Variants in PRLR observed in about 807,000 individuals in gnomAD.
PRLR encodes the protein prolactin receptor, also known as hPRL receptor.
Under a neutral mutation model 40.2 loss-of-function variants are expected in PRLR, and 13 were observed. The observed-to-expected ratio is 0.32, with a 90% CI of 0.21 to 0.51. The LOEUF is 0.51. Ranked by LOEUF, PRLR falls within the 20% of genes least tolerant of loss-of-function variation. PRLR has a pLI of 0.97. For synonymous variants in PRLR, 269 were observed against 278.7 expected, an observed-to-expected ratio of 0.97 and a Z score of 0.35; for missense variants, 656 against 747.3, an observed-to-expected ratio of 0.88 and a Z score of 1.42.
intron 1 of PRLR, among the ~76,000 whole-genome samples, chr5:35,162,429 C>T (rs1411162727): frequency 6.6e-6 from 1 of 152,042 alleles, no homozygotes; most frequent in Non-Finnish European, 1.5e-5. Context: ...TACTTTTTAT[C>T]CATAATTTGA....
rs72734529 is a variant in PRLR, at chr5:35,069,940, G to C, written c.685+184C>G. On this transcript the variant is annotated intron_variant, in intron 7 of 9. Transcript: ENST00000618457. ...CCTTATCCTAAAATTGTTCTCCATT[G>C]ACAGTAATCCAGGGTGCAATGCTGC... Among the ~76,000 whole-genome samples, 817 of 152,346 alleles carry C rather than the reference G, an allele frequency of 5.4e-3. 23 individuals carry two copies. The East Asian group carries it at 0.078, about 14-fold the overall frequency.
chr5:35,084,983 G>T (rs1770754633), intron 4 of PRLR, among the ~76,000 whole-genome samples: 1 of 152,154 alleles, frequency 6.6e-6, no homozygotes, highest in East Asian at 1.9e-4. Context: ...ATGCCCATTG[G>T]GTTGCCTCAG....
At chr5:35,223,706 A>G (rs1776477799) in intron 1 of PRLR, among the ~76,000 whole-genome samples, 1 of 152,222 alleles carries the variant, frequency 6.6e-6, no homozygotes, top group South Asian at 2.1e-4. Context: ...TGCATCATTT[A>G]TGTAACACTT....
rs191627457 is a variant in PRLR at position 35,102,938 on chromosome 5, T to A, written c.-43-13275A>T. On this transcript the variant is annotated intron_variant, in intron 2 of 9. Coordinates refer to ENST00000618457, the MANE Select transcript of PRLR (RefSeq NM_000949.7). Reference sequence around the variant, plus strand: ...CTCCCTTCTAGATCACTCAAGATAGTTTCTTCTAGCCCCTTCCACTCTATT... The same window carrying A: ...CTCCCTTCTAGATCACTCAAGATAGATTCTTCTAGCCCCTTCCACTCTATT... Among the ~76,000 whole-genome samples the A allele has an allele frequency of 1.6e-4, 24 of 152,316 alleles. No homozygotes were observed. In the East Asian group the frequency reaches 4.6e-3, roughly 29 times the overall value.
intron 1 of PRLR, among the ~76,000 whole-genome samples, chr5:35,187,812 T>A (rs1775487681): frequency 6.6e-6 from 1 of 152,114 alleles, no homozygotes; most frequent in Admixed American, 6.5e-5. Flanking sequence ...GGAGCCTCCC[T>A]GTTTACCCAG....
intron 1 of PRLR, among the ~76,000 whole-genome samples, chr5:35,142,252 A>G (rs146126583): frequency 1.3e-5 from 2 of 152,308 alleles, no homozygotes; most frequent in East Asian, 3.9e-4. Context: ...TGAACTGAAT[A>G]TCACAGAATT....
intron 2 of PRLR, among the ~76,000 whole-genome samples, chr5:35,099,169 C>T (rs1041340276): frequency 2.6e-5 from 4 of 152,134 alleles, no homozygotes; most frequent in Non-Finnish European, 2.9e-5. Context: ...CTTCCCCTGT[C>T]GTTAGATGAG....
At position 35,061,266 on chromosome 5, in the gene PRLR, G is replaced by A. The variant is rs983754538; in HGVS notation, c.*3823C>T. On this transcript the variant is annotated 3_prime_UTR_variant, in exon 10 of 10. Coordinates refer to ENST00000618457, the MANE Select transcript of PRLR (RefSeq NM_000949.7). ...CTGTTTCTTTCTTGTCTACTCTAAG[G>A]AGATAGGGAAGTTGCTAAAGGCAGG... 6.6e-6 allele frequency: 1 copy of A among 152,144 alleles called. No individual in the cohort carries two copies. Among genetic ancestry groups the A allele is most frequent in the African/African-American group, 2.4e-5 (1 of 41,424 alleles). 9.4% of individuals were successfully genotyped at this position (152,144 alleles called of 1,614,324 possible). A position where few individuals can be genotyped will look rare whatever the true frequency, so the allele number is the denominator to read the frequency against.
At chr5:35,143,811 C>T (rs182760994) in intron 1 of PRLR, among the ~76,000 whole-genome samples, 1 of 152,196 alleles carries the variant, frequency 6.6e-6, no homozygotes. Context: ...GAAAATGGAG[C>T]TATGCATTTG....
chr5:35,224,370 T>G (rs1776500599), intron 1 of PRLR, among the ~76,000 whole-genome samples: 1 of 152,188 alleles, frequency 6.6e-6, no homozygotes, highest in African/African-American at 2.4e-5. Flanking sequence ...AGCTTGTCCT[T>G]TTTCAATTGG....
chr5:35,090,582 TTTGTTG>T (rs146987418), intron 2 of PRLR, among the ~76,000 whole-genome samples: 8 of 151,258 alleles, frequency 5.3e-5, no homozygotes, highest in East Asian at 3.9e-4. Flanking sequence ...ATTGTTTCAT[TTTGTTG>T]TTGTTGTTGT....
chr5:35,141,702 TC>T (rs979694564), intron 1 of PRLR, among the ~76,000 whole-genome samples: 3 of 152,132 alleles, frequency 2.0e-5, no homozygotes, highest in African/African-American at 7.2e-5. Flanking sequence ...CCAGATGTCA[TC>T]CTTGAATCAT....
In PRLR at chr5:35,216,399, G is replaced by T. The variant is rs139063955; in HGVS notation, c.-106+13869C>A. ...AAAATAGACAACAAAGTGGGAGGGGGACAAGAAAAGGAGTTGGGGGCTTAT... is the reference window on the plus strand; with the variant it reads ...AAAATAGACAACAAAGTGGGAGGGGTACAAGAAAAGGAGTTGGGGGCTTAT... On this transcript the variant is annotated intron_variant, in intron 1 of 9. Transcript: ENST00000618457. Among the ~76,000 whole-genome samples, 51 of 152,174 alleles carry T rather than the reference G, an allele frequency of 3.4e-4. No homozygotes were observed. The East Asian group carries it at 9.5e-3, about 28-fold the overall frequency.
intron 1 of PRLR, among the ~76,000 whole-genome samples, chr5:35,213,250 T>G (rs1033298523): frequency 6.6e-6 from 1 of 152,190 alleles, no homozygotes; most frequent in Non-Finnish European, 1.5e-5. Context: ...TGCCAAGTCT[T>G]TATATAATCG....
intron 1 of PRLR, among the ~76,000 whole-genome samples, chr5:35,188,611 C>T (rs1561355630): frequency 6.6e-6 from 1 of 152,168 alleles, no homozygotes; most frequent in Non-Finnish European, 1.5e-5. Context: ...AATCAGAACC[C>T]ACAGTATCTA....
chr5:35,228,237 A>G (rs935192830), intron 1 of PRLR, among the ~76,000 whole-genome samples: 28 of 130,862 alleles, frequency 2.1e-4, no homozygotes, highest in African/African-American at 2.9e-4. Flanking sequence ...CCATGCAAAA[A>G]AAAAAAAAAA....
At chr5:35,202,150 C>A (rs1352438530) in intron 1 of PRLR, among the ~76,000 whole-genome samples, 2 of 152,136 alleles carry the variant, frequency 1.3e-5, no homozygotes, top group Non-Finnish European at 2.9e-5. Flanking sequence ...AATAAGAGAA[C>A]CTACCAATTG....
In PRLR at chr5:35,134,342, C is replaced by T. The variant is rs369531354; in HGVS notation, c.-105-16220G>A. Among the ~76,000 whole-genome samples the T allele has an allele frequency of 5.1e-4, 73 of 142,092 alleles. 1 individual carries two copies. In the Middle Eastern group the frequency reaches 0.018, roughly 34 times the overall value. The allele number at this position is 142,092 out of a possible 152,430, so 93.2% of individuals were successfully genotyped here. On this transcript the variant is annotated intron_variant, in intron 1 of 9. Coordinates refer to ENST00000618457, the MANE Select transcript of PRLR (RefSeq NM_000949.7). ...CTCCTCTTTCCTTGGATTATCACAG[C>T]AAGATCTGGCGCTGTGAAGATCATA...
intron 2 of PRLR, among the ~76,000 whole-genome samples, chr5:35,091,964 C>T (rs1490432196): frequency 2.0e-5 from 3 of 152,140 alleles, no homozygotes; most frequent in Non-Finnish European, 2.9e-5. Flanking sequence ...TAAATCAGAC[C>T]TTCCTGGTGA....
Sources: allele counts gnomAD v4.1 joint callset (sites outside exome capture counted in the v4.1 genomes callset), GRCh38; gene constraint gnomAD v4.1.1; transcripts MANE v1.5; gene names NCBI Gene and HGNC (gene_info 2026-07-23, HGNC 2026-07-21).